Variants in DDX19A observed in about 807,000 individuals in gnomAD.
The protein encoded by DDX19A is DEAD-box helicase 19A.
A neutral mutation model predicts 60.6 loss-of-function variants in DDX19A; 12 were observed. The observed-to-expected ratio is 0.20, with a 90% CI of 0.13 to 0.32. The LOEUF is 0.32. Ranked by LOEUF, DDX19A falls within the 10% of genes least tolerant of loss-of-function variation. The probability of loss-of-function intolerance (pLI) is 1.00; values close to 1 mark genes in which losing one functional copy is unlikely to be tolerated. For missense variants in DDX19A, 337 were observed against 600.6 expected (o/e 0.56, Z 4.59); for synonymous variants, 206 against 218.2 (o/e 0.94, Z 0.49).
Position 70,356,926 on chromosome 16 carries a change from CAT to C in DDX19A, c.293+680_293+681del, listed in dbSNP as rs769507818. The C allele has an allele frequency of 2.0e-5, 21 of 1,026,158 alleles. 1 individual carries two copies. In the Middle Eastern group the frequency reaches 1.5e-3, roughly 76 times the overall value. 63.6% of individuals were successfully genotyped at this position (1,026,158 alleles called of 1,614,324 possible). On this transcript the variant is annotated intron_variant, in intron 4 of 11. Coordinates refer to ENST00000302243, the MANE Select transcript of DDX19A (RefSeq NM_018332.5). ...GATTAGGTAAGCCCTTAAGTGAGAA[CAT>C]GTGCTATTTGTTTTTTTTTTACAAA...
intron 10 of DDX19A, chr16:70,371,130 T>G: frequency 1.5e-6 from 1 of 661,240 alleles, no homozygotes; most frequent in Non-Finnish European, 2.6e-6. Flanking sequence ...CTCCAGAACA[T>G]TGTGTCTCCC....
chr16:70,350,949 C>T (rs940731010), intron 2 of DDX19A, among the ~76,000 whole-genome samples: 1 of 151,572 alleles, frequency 6.6e-6, no homozygotes, highest in African/African-American at 2.4e-5. Flanking sequence ...ACAATCTTGG[C>T]TCACTGCAAG....
At chr16:70,366,495 C>T in intron 8 of DDX19A, 129 bp from the exon 9 acceptor site, 1 of 1,354,974 alleles carries the variant, frequency 7.4e-7, no homozygotes, top group Non-Finnish European at 1.0e-6. Context: ...AGGCCTGCTG[C>T]TCCTCCTCCC....
Position 70,372,433 on chromosome 16 carries a change from G to T in DDX19A, c.*447G>T. 1 of 217,716 alleles carries T rather than the reference G, an allele frequency of 4.6e-6. No individual in the cohort carries two copies. Among genetic ancestry groups the T allele is most frequent in the South Asian group, 6.5e-5 (1 of 15,456 alleles). 13.5% of individuals were successfully genotyped at this position (217,716 alleles called of 1,614,324 possible). The stretch of plus-strand genomic sequence containing the variant: ...AAGTGGCAGCAGAGAGGCCAGAGCT[G>T]CCCCCTCTCTGTCTCTTCAATGGAC... On this transcript the variant is annotated 3_prime_UTR_variant, in exon 12 of 12. Coordinates refer to ENST00000302243, the MANE Select transcript of DDX19A (RefSeq NM_018332.5).
At chr16:70,353,363 C>T (rs1269930583) in intron 2 of DDX19A, among the ~76,000 whole-genome samples, 1 of 151,786 alleles carries the variant, frequency 6.6e-6, no homozygotes, top group Non-Finnish European at 1.5e-5. Context: ...AATCCGCTCG[C>T]TTGGCCTCGC....
intron 9 of DDX19A, among the ~76,000 whole-genome samples, chr16:70,368,783 G>A (rs1222205115): frequency 6.6e-6 from 1 of 152,124 alleles, no homozygotes; most frequent in African/African-American, 2.4e-5. Flanking sequence ...TAGTTGTCAT[G>A]TCTCTTAAGA....
chr16:70,350,662 A>C, intron 2 of DDX19A, 57 bp downstream of exon 2: 1 of 1,276,342 alleles, frequency 7.8e-7, no homozygotes, highest in Non-Finnish European at 1.1e-6. Context: ...GCTGCTTTGC[A>C]CTCATAGCTG....
At position 70,361,433 on chromosome 16, in the gene DDX19A, C is replaced by A; in HGVS notation, c.309C>A (p.Leu103=). 6.2e-7 allele frequency: 1 copy of A among 1,613,756 alleles called. No individual in the cohort carries two copies. Among genetic ancestry groups the A allele is most frequent in the Non-Finnish European group, 8.5e-7 (1 of 1,179,738 alleles). The change falls in exon 5 of 12, where the codon CTC becomes CTA. Residue 103 remains leucine, a synonymous_variant. Transcript: ENST00000302243. The stretch of plus-strand genomic sequence containing the variant: ...GGCTTCCTAGGAAACCACAGCTTCT[C>A]CAGGGAGTCTATGCCATGGGCTTCA... ...FEELRLKPQL[L]QGVYAMGFNR...
At chr16:70,364,748 C>T in intron 6 of DDX19A, 103 bp downstream of exon 6, 3 of 894,894 alleles carry the variant, frequency 3.4e-6, no homozygotes, top group Non-Finnish European at 3.6e-6. Context: ...ACACCTTAGG[C>T]TGTGGCTCAG....
chr16:70,364,358 C>A, intron 5 of DDX19A, 185 bp from the exon 6 acceptor site: 1 of 579,162 alleles, frequency 1.7e-6, no homozygotes, highest in Non-Finnish European at 3.1e-6. Context: ...ATTTATTTTA[C>A]AATTTAAGCA....
rs537134667 is a variant in DDX19A at position 70,366,332 on chromosome 16, G to A, written c.782+70G>A. Reference sequence around the variant, plus strand: ...AGTGTCTTCTCCCTTCACTTCAGACGCCTCCTCTGGCTTCTGCCTGGGTCT... The same window carrying A: ...AGTGTCTTCTCCCTTCACTTCAGACACCTCCTCTGGCTTCTGCCTGGGTCT... On this transcript the variant is annotated intron_variant, in intron 8 of 11. Coordinates refer to ENST00000302243, the MANE Select transcript of DDX19A (RefSeq NM_018332.5). 1.9e-5 allele frequency: 30 copies of A among 1,599,168 alleles called. No homozygotes were observed. The South Asian group carries it at 2.2e-4, about 12-fold the overall frequency.
intron 2 of DDX19A, among the ~76,000 whole-genome samples, chr16:70,354,320 A>AT (rs1031562970): frequency 6.6e-6 from 1 of 151,710 alleles, no homozygotes; most frequent in African/African-American, 2.4e-5. Flanking sequence ...CTAATTTTGT[A>AT]TTTTTTAGTA....
chr16:70,352,192 C>A (rs1396126677), intron 2 of DDX19A, among the ~76,000 whole-genome samples: 1 of 149,966 alleles, frequency 6.7e-6, no homozygotes, highest in South Asian at 2.1e-4. Context: ...TCAACCAAAA[C>A]GTGGCGTGAT....
intron 4 of DDX19A, among the ~76,000 whole-genome samples, chr16:70,357,059 C>T (rs529609403): frequency 1.3e-5 from 2 of 150,824 alleles, no homozygotes; most frequent in South Asian, 4.2e-4. Context: ...CCAGCCTGAC[C>T]AACATGGTGA....
At chr16:70,350,094 G>C (rs140582042) in intron 1 of DDX19A, among the ~76,000 whole-genome samples, 12 of 152,024 alleles carry the variant, frequency 7.9e-5, no homozygotes, top group Non-Finnish European at 1.3e-4. Context: ...CCAGGAGTTC[G>C]AGTTTGAGTT....
At chr16:70,362,358 A>C (rs949449148) in intron 5 of DDX19A, among the ~76,000 whole-genome samples, 52 of 151,878 alleles carry the variant, frequency 3.4e-4, no homozygotes, top group Non-Finnish European at 3.1e-4. Context: ...AAAAAAAAAA[A>C]AAAACTGGGT....
chr16:70,360,621 A>G (rs1964338042), intron 4 of DDX19A, among the ~76,000 whole-genome samples: 1 of 152,186 alleles, frequency 6.6e-6, no homozygotes, highest in South Asian at 2.1e-4. Context: ...CTGGGATTAC[A>G]GGCGTGAGCT....
rs1295540405 is a variant in DDX19A at position 70,356,152 on chromosome 16, A to C, written c.198A>C (p.Arg66Ser). ...AAQSLLNKLI[R>S]SNLVDNTNQV... ...AGTCCTTACTCAACAAGCTGATCAG[A>C]AGCAACCTTGTTGATAACACAAACC... is the stretch of plus-strand genomic sequence containing the variant. The change falls in exon 4 of 12, where the codon AGA becomes AGC. Residue 66 changes from arginine to serine, a missense_variant. Around this residue, in one of 6 missense-constraint regions of DDX19A, gnomAD observed 127 missense variants for 160.3 expected, o/e 0.79. Transcript: ENST00000302243. 1 of 1,614,014 alleles carries C rather than the reference A, an allele frequency of 6.2e-7. No individual in the cohort carries two copies. The highest frequency in any genetic ancestry group is 8.5e-7 in the Non-Finnish European group (1 of 1,180,004).
chr16:70,347,514 G>T (rs550650840), intron 1 of DDX19A, among the ~76,000 whole-genome samples: 7 of 152,268 alleles, frequency 4.6e-5, no homozygotes, highest in African/African-American at 1.7e-4. Context: ...TTGGAAGGAG[G>T]CACTACAAAT....
Sources: gnomAD v4.1 joint callset for allele counts (sites outside exome capture counted in the v4.1 genomes callset) on GRCh38, gnomAD v4.1.1 for gene constraint, gnomAD v4.1.1 regional missense constraint, MANE v1.5 for transcripts, NCBI Gene and HGNC (gene_info 2026-07-23, HGNC 2026-07-21) for gene names.